Variants in PPP4R1 observed in about 807,000 individuals in gnomAD.
PPP4R1 encodes the protein protein phosphatase 4 regulatory subunit 1.
PPP4R1 carries 42 observed loss-of-function variants against 111.2 expected under a neutral mutation model. The observed-to-expected ratio is 0.38, with a 90% CI of 0.29 to 0.49. The LOEUF (loss-of-function observed/expected upper bound fraction) is 0.49. Among genes scored for constraint, PPP4R1 ranks in the 20% least tolerant of loss-of-function variants. The probability of loss-of-function intolerance (pLI) is 0.97; values close to 1 mark genes in which losing one functional copy is unlikely to be tolerated. For synonymous variants in PPP4R1, 409 were observed against 405.5 expected (o/e 1.01, Z -0.10); for missense variants, 1,012 against 1,161.6 (o/e 0.87, Z 1.87).
At chr18:9,565,088 G>C (rs528279512) in intron 11 of PPP4R1, among the ~76,000 whole-genome samples, 33 of 152,122 alleles carry the variant, frequency 2.2e-4, no homozygotes, top group Admixed American at 5.9e-4. Flanking sequence ...TTTTCCAACA[G>C]CATGTGTTTA....
intron 2 of PPP4R1, among the ~76,000 whole-genome samples, chr18:9,596,390 T>C (rs1481078477): frequency 6.6e-6 from 1 of 152,244 alleles, no homozygotes; most frequent in East Asian, 1.9e-4. Context: ...CATTACTTGA[T>C]TTACTTTCTC....
intron 19 of PPP4R1, 116 bp downstream of exon 19, chr18:9,549,081 C>T (rs948750224): frequency 6.1e-6 from 8 of 1,307,756 alleles, no homozygotes; most frequent in South Asian, 1.4e-5. Context: ...TATTTCCTTC[C>T]ACCAGATTAT....
chr18:9,615,101 C>G (rs1247017853), upstream of PPP4R1: 1 of 152,316 alleles, frequency 6.6e-6, no homozygotes, highest in Non-Finnish European at 1.5e-5. Flanking sequence ...GCGCCGCCTC[C>G]CCACCCGCCC....
intron 16 of PPP4R1, among the ~76,000 whole-genome samples, chr18:9,552,942 G>C (rs184358928): frequency 1.5e-3 from 230 of 152,284 alleles, no homozygotes; most frequent in African/African-American, 5.2e-3. Context: ...TGAAATGTCC[G>C]CAACAGGCAA....
intron 15 of PPP4R1, among the ~76,000 whole-genome samples, chr18:9,556,096 G>A (rs1402428691): frequency 2.9e-4 from 44 of 150,140 alleles, no homozygotes; most frequent in Admixed American, 4.0e-4. Flanking sequence ...GGGAGGCGGA[G>A]GTTGCAGTGA....
intron 9 of PPP4R1, among the ~76,000 whole-genome samples, chr18:9,579,758 C>T (rs1276677186): frequency 1.3e-5 from 2 of 152,096 alleles, no homozygotes; most frequent in Admixed American, 6.5e-5. Context: ...AGCATTTATG[C>T]TGTATTAGAT....
chr18:9,577,877 A>C (rs1162585251), intron 9 of PPP4R1, among the ~76,000 whole-genome samples: 1 of 152,214 alleles, frequency 6.6e-6, no homozygotes, highest in African/African-American at 2.4e-5. Flanking sequence ...CAATAAAGCC[A>C]ACAAAATGTG....
intron 11 of PPP4R1, among the ~76,000 whole-genome samples, chr18:9,569,265 T>C (rs1439971768): frequency 2.0e-5 from 3 of 149,672 alleles, no homozygotes; most frequent in Non-Finnish European, 4.4e-5. Context: ...AGTTGGTAAA[T>C]AATAACATTT....
At position 9,559,607 on chromosome 18, in the gene PPP4R1, A is replaced by G; in HGVS notation, c.1843-3T>C. 1 of 1,568,328 alleles carries G rather than the reference A, an allele frequency of 6.4e-7. No homozygotes were observed. Among genetic ancestry groups the G allele is most frequent in the East Asian group, 2.3e-5 (1 of 43,260 alleles). On this transcript the variant is annotated splice_region_variant and splice_polypyrimidine_tract_variant and intron_variant, in intron 13 of 19. Transcript: ENST00000400556. Reference sequence around the variant, plus strand: ...AACAACGCCTGAGGTACAACATCCTAATGGAGAAAGAGAAACCACAGTGAC... The same window carrying G: ...AACAACGCCTGAGGTACAACATCCTGATGGAGAAAGAGAAACCACAGTGAC...
chr18:9,588,327 A>G lies in PPP4R1; in HGVS notation c.439-92T>C. On this transcript the variant is annotated intron_variant, in intron 5 of 19. Coordinates refer to ENST00000400556, the MANE Select transcript of PPP4R1 (RefSeq NM_001042388.3). ...TTATAAACAAAGATTTCTCATCTCA[A>G]AGGGACCCATAACTGGCAAAACTCC... 5 of 1,371,450 alleles carry G rather than the reference A, an allele frequency of 3.6e-6. No individual in the cohort carries two copies. The South Asian group carries it at 4.3e-5, about 12-fold the overall frequency. The allele number at this position is 1,371,450 out of a possible 1,614,324, so 85.0% of individuals were successfully genotyped here.
intron 11 of PPP4R1, among the ~76,000 whole-genome samples, chr18:9,564,697 GGTGTGTGTGTGTGTGTGTGT>G (rs1178823297): frequency 1.1e-5 from 1 of 93,492 alleles, no homozygotes; most frequent in Non-Finnish European, 2.3e-5. Flanking sequence ...TAAAGTGCAT[GGTGTGTGTGTGTGTGTGTGT>G]GTGTGTGTGT....
chr18:9,611,198 A>G (rs895580850), intron 2 of PPP4R1, among the ~76,000 whole-genome samples: 1 of 151,986 alleles, frequency 6.6e-6, no homozygotes, highest in African/African-American at 2.4e-5. Flanking sequence ...CCAGAAAACA[A>G]TTTCTTCCCA....
rs759771778 is a variant in PPP4R1 at position 9,595,076 on chromosome 18, T to C, written c.130A>G (p.Met44Val). ...SALDFVSQDEMLTPLGRLDKY... is the reference protein window; with the variant it reads ...SALDFVSQDEVLTPLGRLDKY... ...TCCAATCTCCCCAGGGGCGTCAACA[T>C]TTCATCTTGTGAGACAAAGTCCAGG... Residue 44 changes from methionine to valine, a missense_variant, in exon 3 of 20, where the codon ATG becomes GTG. Physicochemically the swap from Met to Val is conservative, Grantham distance 21 (BLOSUM62 1). This residue lies in a region of PPP4R1 where 707 missense variants were observed against 742.1 expected (regional missense o/e 0.95). Coordinates refer to ENST00000400556, the MANE Select transcript of PPP4R1 (RefSeq NM_001042388.3). 6.2e-7 allele frequency: 1 copy of C among 1,614,062 alleles called. No individual in the cohort carries two copies. Among genetic ancestry groups the C allele is most frequent in the Admixed American group, 1.7e-5 (1 of 60,024 alleles).
At chr18:9,558,764 G>A (rs559131522) in intron 14 of PPP4R1, among the ~76,000 whole-genome samples, 18 of 151,714 alleles carry the variant, frequency 1.2e-4, no homozygotes, top group Admixed American at 9.2e-4. Flanking sequence ...GTTCAAAGAG[G>A]GGCAAACTTT....
chr18:9,602,562 CT>C (rs1283284333), intron 2 of PPP4R1, among the ~76,000 whole-genome samples: 6 of 146,604 alleles, frequency 4.1e-5, no homozygotes, highest in African/African-American at 1.5e-4. Flanking sequence ...AAAAAAAAAA[CT>C]TGCACCTTTC....
At chr18:9,556,782 A>T (rs774791120) in intron 15 of PPP4R1, among the ~76,000 whole-genome samples, 10 of 152,148 alleles carry the variant, frequency 6.6e-5, no homozygotes, top group Non-Finnish European at 1.2e-4. Flanking sequence ...CTTATACTTG[A>T]ATTGTTTGTC....
intron 10 of PPP4R1, among the ~76,000 whole-genome samples, chr18:9,571,916 C>A (rs1384399068): frequency 6.6e-6 from 1 of 152,172 alleles, no homozygotes; most frequent in African/African-American, 2.4e-5. Flanking sequence ...AAAGACCATT[C>A]TGGAGGAAGT....
At chr18:9,575,175 G>T (rs2066918151) in intron 10 of PPP4R1, among the ~76,000 whole-genome samples, 1 of 152,204 alleles carries the variant, frequency 6.6e-6, no homozygotes, top group African/African-American at 2.4e-5. Context: ...TGCTTACTTT[G>T]TAAGACATTT....
intron 11 of PPP4R1, among the ~76,000 whole-genome samples, chr18:9,566,447 C>T (rs536135607): frequency 2.6e-5 from 4 of 151,544 alleles, no homozygotes; most frequent in Admixed American, 2.6e-4. Flanking sequence ...GTGAAGAGTG[C>T]GAGACCAGCC....
Sources: gnomAD v4.1 joint callset for allele counts (sites outside exome capture counted in the v4.1 genomes callset) on GRCh38, gnomAD v4.1.1 for gene constraint, gnomAD v4.1.1 regional missense constraint, MANE v1.5 for transcripts, NCBI Gene and HGNC (gene_info 2026-07-23, HGNC 2026-07-21) for gene names.